The following HSPA4L variants were observed in gnomAD, a reference collection of about 807,000 sequenced individuals.
HSPA4L encodes the protein heat shock 70 kDa protein 4L.
A neutral mutation model predicts 100.3 loss-of-function variants in HSPA4L; 48 were observed. That is an observed-to-expected ratio of 0.48 (90% CI 0.38 to 0.61). The LOEUF is 0.61. Ranked by LOEUF, HSPA4L falls within the 20% of genes least tolerant of loss-of-function variation. The pLI, the probability that HSPA4L is intolerant of heterozygous loss-of-function variation, is 0.00. For missense variants in HSPA4L, 886 were observed against 988.6 expected (o/e 0.90, Z 1.39); for synonymous variants, 319 against 328.2 (o/e 0.97, Z 0.30).
At chr4:127,830,367 T>C (rs1194627688) in intron 17 of HSPA4L, among the ~76,000 whole-genome samples, 4 of 152,210 alleles carry the variant, frequency 2.6e-5, no homozygotes, top group African/African-American at 9.6e-5. Flanking sequence ...ACTTCTTCCT[T>C]GGCTAAGTGC....
chr4:127,813,783 C>G (rs1733604487), intron 12 of HSPA4L, among the ~76,000 whole-genome samples: 1 of 152,160 alleles, frequency 6.6e-6, no homozygotes, highest in Non-Finnish European at 1.5e-5. Flanking sequence ...GCTGGGACTA[C>G]AGGCATGTGC....
intron 14 of HSPA4L, among the ~76,000 whole-genome samples, chr4:127,821,313 A>G (rs1243821818): frequency 6.6e-6 from 1 of 152,148 alleles, no homozygotes; most frequent in Non-Finnish European, 1.5e-5. Flanking sequence ...AATGAATTGT[A>G]GGGAAGCACA....
rs1422287864 is a variant in HSPA4L, at chr4:127,823,554, A to C, written c.1976A>C (p.Glu659Ala). The C allele has an allele frequency of 6.2e-7, 1 of 1,613,678 alleles. No homozygotes were observed. The highest frequency in any genetic ancestry group is 1.1e-5 in the South Asian group (1 of 91,076). Residue 659 changes from glutamate (E) to alanine (A), a missense_variant, in exon 16 of 19, where the codon GAA (glutamate) becomes GCA (alanine). Coordinates refer to ENST00000296464, the MANE Select transcript of HSPA4L (RefSeq NM_014278.4). The stretch of plus-strand genomic sequence containing the variant: ...CTGTCTGCAGTATTGGAAGACACAG[A>C]AAATTGGCTTTATGAAGACGGAGAG... ...SKLSAVLEDT[E>A]NWLYEDGEDQ...
At chr4:127,818,081 G>A (rs1014137532) in intron 12 of HSPA4L, among the ~76,000 whole-genome samples, 15 of 150,284 alleles carry the variant, frequency 1.0e-4, no homozygotes, top group African/African-American at 1.2e-4. Flanking sequence ...AATTTTCCAC[G>A]TATTTTGCAA....
At chr4:127,832,099 A>T (rs753772630) in intron 18 of HSPA4L, among the ~76,000 whole-genome samples, 6 of 152,152 alleles carry the variant, frequency 3.9e-5, no homozygotes, top group Non-Finnish European at 8.8e-5. Context: ...AAATTTGAGT[A>T]GTGTTTGTAT....
Position 127,795,883 on chromosome 4 carries a change from T to C in HSPA4L, c.281T>C (p.Met94Thr), listed in dbSNP as rs755630197. 1 of 1,613,668 alleles carries C rather than the reference T, an allele frequency of 6.2e-7. No individual in the cohort carries two copies. Among genetic ancestry groups the C allele is most frequent in the Non-Finnish European group, 8.5e-7 (1 of 1,179,680 alleles). ...AGGCTTCCCTATGAACTGCAGAAAA[T>C]GCCTAATGGAAGTGCAGGAGTTAAG... ...RIRLPYELQK[M>T]PNGSAGVKVR... The change falls in exon 3 of 19, where the codon ATG (methionine) becomes ACG (threonine). Residue 94 changes from methionine (M) to threonine (T), a missense_variant. Transcript: ENST00000296464.
At chr4:127,804,174 A>G in intron 8 of HSPA4L, 87 bp downstream of exon 8, 2 of 1,056,224 alleles carry the variant, frequency 1.9e-6, no homozygotes, top group South Asian at 2.9e-5. Context: ...AATTTTTAAA[A>G]CTTTGTTTTT....
At chr4:127,792,048 A>G (rs1426738433) in intron 1 of HSPA4L, among the ~76,000 whole-genome samples, 1 of 152,252 alleles carries the variant, frequency 6.6e-6, no homozygotes, top group Non-Finnish European at 1.5e-5. Flanking sequence ...AAAATCCAGT[A>G]GTCCCCAGCA....
intron 6 of HSPA4L, 133 bp from the exon 7 acceptor site, chr4:127,803,496 A>T: frequency 1.4e-6 from 1 of 727,198 alleles, no homozygotes. Flanking sequence ...TTCCAAATTC[A>T]GCACCCCTGT....
intron 6 of HSPA4L, 74 bp downstream of exon 6, chr4:127,801,992 G>A (rs906870621): frequency 9.9e-6 from 12 of 1,214,602 alleles, no homozygotes; most frequent in Middle Eastern, 4.2e-4. Flanking sequence ...AGCTGGGTTC[G>A]AATCCTGGCT....
At chr4:127,823,014 T>A (rs1298776815) in intron 15 of HSPA4L, 120 bp downstream of exon 15, 1 of 854,850 alleles carries the variant, frequency 1.2e-6, no homozygotes, top group East Asian at 2.9e-5. Flanking sequence ...CTTGGGCCCA[T>A]ATGGGGAAGG....
At chr4:127,803,244 T>TG (rs1246243042) in intron 6 of HSPA4L, among the ~76,000 whole-genome samples, 2 of 152,198 alleles carry the variant, frequency 1.3e-5, no homozygotes, top group African/African-American at 2.4e-5. Flanking sequence ...CTGCTTTTCT[T>TG]GGATGTTTTG....
chr4:127,786,505 G>A (rs1732722338), intron 1 of HSPA4L, among the ~76,000 whole-genome samples: 1 of 152,048 alleles, frequency 6.6e-6, no homozygotes, highest in South Asian at 2.1e-4. Flanking sequence ...TTGGTCTGTT[G>A]CCCAGGCTGG....
intron 11 of HSPA4L, among the ~76,000 whole-genome samples, 169 bp from the exon 12 acceptor site, chr4:127,811,268 A>C (rs1254197132): frequency 6.6e-6 from 1 of 152,022 alleles, no homozygotes; most frequent in Non-Finnish European, 1.5e-5. Context: ...GGTTTATAAA[A>C]GATAATCTGG....
At position 127,811,506 on chromosome 4, in the gene HSPA4L, G is replaced by A. The variant is rs370376245; in HGVS notation, c.1448G>A (p.Arg483His). 145 of 1,613,826 alleles carry A rather than the reference G, an allele frequency of 9.0e-5. 1 individual carries two copies. The South Asian group carries it at 1.4e-3, about 15-fold the overall frequency. The change falls in exon 12 of 19, where the codon CGT (arginine) becomes CAT (histidine). Residue 483 changes from arginine to histidine, a missense_variant. Transcript: ENST00000296464. ...AGTTCCAAAGTGAAGGTTAAAGTTC[G>A]TGTTAACATCCATGGAATCTTCAGT... is the stretch of plus-strand genomic sequence containing the variant. ...GDSSKVKVKV[R>H]VNIHGIFSVA...
At chr4:127,816,881 G>A (rs1036560158) in intron 12 of HSPA4L, among the ~76,000 whole-genome samples, 2 of 152,094 alleles carry the variant, frequency 1.3e-5, no homozygotes, top group Non-Finnish European at 2.9e-5. Context: ...CAATAGAAGA[G>A]CTCTTTCAAT....
chr4:127,813,240 G>A, intron 12 of HSPA4L: 4 of 940,778 alleles, frequency 4.3e-6, no homozygotes, highest in Non-Finnish European at 6.9e-6. Context: ...CAGCCGAAAG[G>A]CGATTTTCTT....
chr4:127,830,148 T>C (rs1213810250), intron 17 of HSPA4L, among the ~76,000 whole-genome samples: 1 of 152,162 alleles, frequency 6.6e-6, no homozygotes, highest in African/African-American at 2.4e-5. Flanking sequence ...TGCCATTTCT[T>C]TGTGATTCTG....
intron 1 of HSPA4L, chr4:127,783,747 C>T: frequency 7.3e-7 from 1 of 1,372,742 alleles, no homozygotes; most frequent in Non-Finnish European, 1.0e-6. Flanking sequence ...TATACTAAAA[C>T]AAGGTCAGTG....
Sources: gnomAD v4.1 joint callset for allele counts (sites outside exome capture counted in the v4.1 genomes callset) on GRCh38, gnomAD v4.1.1 for gene constraint, MANE v1.5 for transcripts, NCBI Gene and HGNC (gene_info 2026-07-23, HGNC 2026-07-21) for gene names.